Variants in PPP2R2D observed in about 807,000 individuals in gnomAD.
The protein encoded by PPP2R2D is protein phosphatase 2 regulatory subunit Bdelta, also known as serine/threonine-protein phosphatase 2A 55 kDa regulatory subunit B delta isoform.
PPP2R2D carries 9 observed loss-of-function variants against 31.1 expected under a neutral mutation model. The ratio of observed to expected loss-of-function variants is 0.29; its 90% CI spans 0.17 to 0.51. PPP2R2D has a LOEUF of 0.51. Among genes scored for constraint, PPP2R2D ranks in the 20% least tolerant of loss-of-function variants. PPP2R2D has a pLI of 0.98. For synonymous variants in PPP2R2D, 179 were observed against 172.6 expected, an observed-to-expected ratio of 1.04 and a Z score of -0.29; for missense variants, 391 against 465.6, an observed-to-expected ratio of 0.84 and a Z score of 1.48.
chr10:131,916,407 A>G (rs2119771900), intron 2 of PPP2R2D, among the ~76,000 whole-genome samples: 1 of 149,334 alleles, frequency 6.7e-6, no homozygotes, highest in South Asian at 2.1e-4. Context: ...TTATCATTTT[A>G]GCCGTTCATA....
At chr10:131,903,490 A>G (rs1315746855) in intron 2 of PPP2R2D, among the ~76,000 whole-genome samples, 1 of 149,064 alleles carries the variant, frequency 6.7e-6, no homozygotes, top group South Asian at 2.1e-4. Flanking sequence ...AAAAAAAAAA[A>G]TCTTGACAAA....
rs2036803561 is a variant in PPP2R2D, at chr10:131,956,522, A to C, written c.*559A>C. 1 of 985,366 alleles carries C rather than the reference A, an allele frequency of 1.0e-6. No individual in the cohort carries two copies. Among genetic ancestry groups the C allele is most frequent in the Admixed American group, 6.1e-5 (1 of 16,270 alleles). The allele number at this position is 985,366 out of a possible 1,614,324, so 61.0% of individuals were successfully genotyped here. ...CGGGTGTGAGCGCTCAATAAAAACA[A>C]CACACTATAAAGTGTTTTTAAATCC... On this transcript the variant is annotated 3_prime_UTR_variant, in exon 9 of 9. Coordinates refer to ENST00000455566, the MANE Select transcript of PPP2R2D (RefSeq NM_018461.5).
intron 2 of PPP2R2D, among the ~76,000 whole-genome samples, chr10:131,903,171 TA>T (rs2035528807): frequency 6.6e-6 from 1 of 152,052 alleles, no homozygotes; most frequent in South Asian, 2.1e-4. Context: ...ATTCTTTCTT[TA>T]AAAAAAATCT....
chr10:131,942,636 A>G (rs2036461903), intron 5 of PPP2R2D, among the ~76,000 whole-genome samples: 2 of 152,208 alleles, frequency 1.3e-5, no homozygotes, highest in Non-Finnish European at 2.9e-5. Flanking sequence ...GGAGACCGAG[A>G]TGGGAGGATC....
intron 2 of PPP2R2D, among the ~76,000 whole-genome samples, chr10:131,923,238 C>A (rs1361857286): frequency 6.6e-6 from 1 of 152,188 alleles, no homozygotes; most frequent in African/African-American, 2.4e-5. Flanking sequence ...TCATGGCCCA[C>A]GTGTCCCTCT....
chr10:131,932,208 G>A (rs1162997025), intron 2 of PPP2R2D, among the ~76,000 whole-genome samples: 1 of 152,172 alleles, frequency 6.6e-6, no homozygotes, highest in African/African-American at 2.4e-5. Flanking sequence ...GCTGGCAGCA[G>A]TGCCACGGCA....
chr10:131,910,752 A>T lies in PPP2R2D; in HGVS notation c.100+9422A>T, dbSNP rs925104571. 1.6e-4 allele frequency among the ~76,000 whole-genome samples: 25 copies of T among 152,294 alleles called. 1 individual carries two copies. Among genetic ancestry groups the T allele is most frequent in the African/African-American group, 5.8e-4 (24 of 41,558 alleles). Reference sequence around the variant, plus strand: ...GGCAACCCCTGGGTAGCTTCAGAACAGGGGCTGGTCACCAGAAAGACCTAG... The same window carrying T: ...GGCAACCCCTGGGTAGCTTCAGAACTGGGGCTGGTCACCAGAAAGACCTAG... On this transcript the variant is annotated intron_variant, in intron 2 of 8. Coordinates refer to ENST00000455566, the MANE Select transcript of PPP2R2D (RefSeq NM_018461.5).
At chr10:131,906,975 A>G (rs879028594) in intron 2 of PPP2R2D, among the ~76,000 whole-genome samples, 40,368 of 151,366 alleles carry the variant, frequency 0.27, 5,446 homozygotes, top group South Asian at 0.3. Flanking sequence ...TTATATATGT[A>G]TATATATAAT....
intron 6 of PPP2R2D, 27 bp downstream of exon 6, chr10:131,944,172 G>A (rs558010529): frequency 3.1e-5 from 49 of 1,584,182 alleles, no homozygotes; most frequent in African/African-American, 1.4e-4. Flanking sequence ...GGACACTGGC[G>A]TCTTCCCGAG....
intron 2 of PPP2R2D, among the ~76,000 whole-genome samples, chr10:131,930,353 G>T (rs1216571736): frequency 6.6e-6 from 1 of 152,192 alleles, no homozygotes; most frequent in African/African-American, 2.4e-5. Flanking sequence ...TGGCCGCCTG[G>T]CTCATGTCCT....
chr10:131,938,555 T>C (rs2036385215), intron 3 of PPP2R2D, among the ~76,000 whole-genome samples: 1 of 152,190 alleles, frequency 6.6e-6, no homozygotes, highest in Admixed American at 6.5e-5. Flanking sequence ...TCCTGGTCTT[T>C]TTCACTCTCC....
intron 3 of PPP2R2D, among the ~76,000 whole-genome samples, chr10:131,939,090 C>G (rs2036395438): frequency 6.6e-6 from 1 of 150,974 alleles, no homozygotes; most frequent in Non-Finnish European, 1.5e-5. Context: ...CTGCATTCAG[C>G]AGACCTGCTC....
rs1554897611 is a variant in PPP2R2D, at chr10:131,944,252, A to C, written c.655+107A>C. The C allele has an allele frequency of 5.6e-6, 5 of 895,852 alleles. No homozygotes were observed. In the Admixed American group the frequency reaches 1.3e-4, roughly 23 times the overall value. The allele number at this position is 895,852 out of a possible 1,614,324, so 55.5% of individuals were successfully genotyped here. ...TATCTCGGAGTCTAGTCTTGTAAAT[A>C]CCATCACTGCACAGCAGCCTGTGAT... On this transcript the variant is annotated intron_variant, in intron 6 of 8. Transcript: ENST00000455566.
downstream of PPP2R2D, among the ~76,000 whole-genome samples, chr10:131,962,303 C>T (rs1405755958): frequency 1.3e-5 from 2 of 152,118 alleles, no homozygotes; most frequent in Non-Finnish European, 2.9e-5. Flanking sequence ...GGGTGAGGGG[C>T]GGTCCAGTCC....
chr10:131,960,035 C>T (rs555123863), downstream of PPP2R2D, among the ~76,000 whole-genome samples: 11 of 152,210 alleles, frequency 7.2e-5, no homozygotes, highest in Admixed American at 1.3e-4. Context: ...CTGGAGGTGT[C>T]GTCACCTAGC....
intron 8 of PPP2R2D, 112 bp from the exon 9 acceptor site, chr10:131,955,572 A>G (rs1554899753): frequency 2.2e-6 from 2 of 915,196 alleles, no homozygotes; most frequent in Admixed American, 3.9e-5. Flanking sequence ...TCTGAAAGTA[A>G]CTGGGTTGTG....
the PPP2R2D span, among the ~76,000 whole-genome samples, chr10:131,966,148 C>T: frequency 6.6e-6 from 1 of 152,216 alleles, no homozygotes; most frequent in African/African-American, 2.4e-5. Flanking sequence ...GCCGACTCCT[C>T]TCTCTTGCAG....
chr10:131,931,944 G>C (rs1324611752), intron 2 of PPP2R2D, among the ~76,000 whole-genome samples: 1 of 152,096 alleles, frequency 6.6e-6, no homozygotes, highest in Non-Finnish European at 1.5e-5. Context: ...TGGGGACCAA[G>C]CAGCTCTGTG....
Position 131,957,835 on chromosome 10 carries a change from C to T in PPP2R2D, c.*1872C>T. 6.5e-6 allele frequency: 1 copy of T among 153,860 alleles called. No individual in the cohort carries two copies. The highest frequency in any genetic ancestry group is 1.5e-4 in the South Asian group (1 of 6,602). 9.5% of individuals were successfully genotyped at this position (153,860 alleles called of 1,614,324 possible). A position where few individuals can be genotyped will look rare whatever the true frequency, so the allele number is the denominator to read the frequency against. On this transcript the variant is annotated 3_prime_UTR_variant, in exon 9 of 9. Coordinates refer to ENST00000455566, the MANE Select transcript of PPP2R2D (RefSeq NM_018461.5). Reference sequence around the variant, plus strand: ...GTGGAGATGAAGGTGTGTGCTGATCCCCCATCCCCATGTGGAGATGAAGGG... The same window carrying T: ...GTGGAGATGAAGGTGTGTGCTGATCTCCCATCCCCATGTGGAGATGAAGGG...
Sources: gnomAD v4.1 joint callset for allele counts (sites outside exome capture counted in the v4.1 genomes callset) on GRCh38, gnomAD v4.1.1 for gene constraint, MANE v1.5 for transcripts, NCBI Gene and HGNC (gene_info 2026-07-23, HGNC 2026-07-21) for gene names.